Variants in ZNF846 observed in about 807,000 individuals in gnomAD.
The protein encoded by ZNF846 is zinc finger protein 846, also known as zinc finger protein 420 pseudogene.
In ZNF846, 15 loss-of-function variants were observed where a neutral mutation model predicts 16.0. The ratio of observed to expected loss-of-function variants is 0.94; its 90% CI spans 0.63 to 1.45. ZNF846 has a LOEUF of 1.45. Ranked by LOEUF, ZNF846 falls within the 40% of genes most tolerant of loss-of-function variation. The pLI is 0.00. For missense variants in ZNF846, 714 were observed against 622.3 expected (o/e 1.15, Z -1.57); for synonymous variants, 229 against 212.0 (o/e 1.08, Z -0.70).
At chr19:9,750,935 T>C (rs1017611693), downstream of ZNF846, among the ~76,000 whole-genome samples, 3 of 152,130 alleles carry the variant, frequency 2.0e-5, no homozygotes, top group African/African-American at 7.2e-5. Context: ...ATGAAGAGTG[T>C]TTGTTTAACT....
chr19:9,755,799 CAAAAAAAAAAAAAAAAAAAA>C (rs538572391), downstream of ZNF846, among the ~76,000 whole-genome samples: 9 of 24,702 alleles, frequency 3.6e-4, 1 homozygote, highest in East Asian at 0.023. Context: ...GACTCCGTCT[CAAAAAAAAAAAAAAAAAAAA>C]AAAAAAAAAA....
At chr19:9,774,922 G>A in intron 1 of ZNF846, 6 of 1,609,492 alleles carry the variant, frequency 3.7e-6, no homozygotes, top group Non-Finnish European at 5.1e-6. Context: ...ATGCTGAAGA[G>A]TTTACAAAGA....
intron 2 of ZNF846, among the ~76,000 whole-genome samples, chr19:9,763,946 T>C (rs12462187): frequency 0.11 from 16,562 of 152,216 alleles, 1,274 homozygotes; most frequent in African/African-American, 0.21. Flanking sequence ...CAAAATTGCA[T>C]GCAGGATTGT....
chr19:9,786,126 G>GA (rs1823073855), upstream of ZNF846: 1 of 151,936 alleles, frequency 6.6e-6, no homozygotes, highest in South Asian at 2.1e-4. Flanking sequence ...CAACTCTGGG[G>GA]AGAAGTCTTA....
In ZNF846 at chr19:9,765,054, G is replaced by T; in HGVS notation, c.-85-19C>A. On this transcript the variant is annotated intron_variant, in intron 1 of 5. Coordinates refer to ENST00000397902, the Ensembl canonical transcript of ZNF846. ...AAATGACCTTTGGAAAAGAATAATGGCATGTCAGTTGGATACATCAAAGAA... is the reference window on the plus strand; with the variant it reads ...AAATGACCTTTGGAAAAGAATAATGTCATGTCAGTTGGATACATCAAAGAA... The T allele has an allele frequency of 7.9e-7, 1 of 1,273,728 alleles. No individual in the cohort carries two copies. The highest frequency in any genetic ancestry group is 1.1e-6 in the Non-Finnish European group (1 of 872,480). The allele number at this position is 1,273,728 out of a possible 1,614,324, so 78.9% of individuals were successfully genotyped here. A position where few individuals can be genotyped will look rare whatever the true frequency, so the allele number is the denominator to read the frequency against.
chr19:9,764,503 T>C (rs1457216625), intron 2 of ZNF846, among the ~76,000 whole-genome samples: 2 of 152,200 alleles, frequency 1.3e-5, no homozygotes, highest in African/African-American at 4.8e-5. Context: ...TTCATCCCCA[T>C]GTGACCATCT....
downstream of ZNF846, chr19:9,757,420 C>T: frequency 7.1e-7 from 1 of 1,406,022 alleles, no homozygotes; most frequent in Non-Finnish European, 9.6e-7. Flanking sequence ...CTTTACCTTC[C>T]TATGATTTTT....
At chr19:9,766,898 CAAA>C (rs939656218) in intron 1 of ZNF846, among the ~76,000 whole-genome samples, 4 of 92,738 alleles carry the variant, frequency 4.3e-5, no homozygotes, top group Non-Finnish European at 2.4e-5. Flanking sequence ...GACTCTGTCT[CAAA>C]AAAAAAAAAA....
At chr19:9,751,753 C>T (rs1303660260), downstream of ZNF846, among the ~76,000 whole-genome samples, 1 of 152,176 alleles carries the variant, frequency 6.6e-6, no homozygotes, top group African/African-American at 2.4e-5. Context: ...GTAACATCCT[C>T]CCCACTCTTG....
At chr19:9,751,720 C>A (rs1248007794), downstream of ZNF846, among the ~76,000 whole-genome samples, 1 of 152,156 alleles carries the variant, frequency 6.6e-6, no homozygotes, top group Non-Finnish European at 1.5e-5. Context: ...AAGACATCCT[C>A]CCCGCCCTTG....
At chr19:9,769,908 G>A (rs978087739), upstream of ZNF846, among the ~76,000 whole-genome samples, 1 of 151,176 alleles carries the variant, frequency 6.6e-6, no homozygotes. Context: ...TTGAACCTAG[G>A]AGACTGAGGT....
downstream of ZNF846, chr19:9,752,497 C>G (rs913270902): frequency 5.9e-6 from 2 of 341,518 alleles, no homozygotes; most frequent in African/African-American, 2.2e-5. Flanking sequence ...TGCCTGTGAT[C>G]CCAGCTACTC....
intron 4 of ZNF846, among the ~76,000 whole-genome samples, chr19:9,760,289 C>CT (rs1193209003): frequency 7.5e-6 from 1 of 133,312 alleles, no homozygotes; most frequent in Admixed American, 8.0e-5. Flanking sequence ...AAGACTTCGT[C>CT]TCAAAAAAAA....
At chr19:9,773,278 C>T (rs2045404233), upstream of ZNF846, among the ~76,000 whole-genome samples, 1 of 152,122 alleles carries the variant, frequency 6.6e-6, no homozygotes, top group Non-Finnish European at 1.5e-5. Flanking sequence ...CCTCCTTCCT[C>T]AGCCTCCTGA....
intron 1 of ZNF846, chr19:9,775,075 T>G: frequency 1.1e-6 from 1 of 876,634 alleles, no homozygotes; most frequent in Non-Finnish European, 1.8e-6. Context: ...TGACATTCAC[T>G]TGTGGCAGTT....
At chr19:9,763,036 T>A (rs1487403047) in intron 3 of ZNF846, among the ~76,000 whole-genome samples, 1 of 151,498 alleles carries the variant, frequency 6.6e-6, no homozygotes, top group Admixed American at 6.6e-5. Context: ...CCCAGCTACC[T>A]GGGAGGCTGA....
intron 1 of ZNF846, among the ~76,000 whole-genome samples, chr19:9,780,048 G>GTTTTTTTTTTT (rs558280116): frequency 4.0e-5 from 5 of 124,306 alleles, no homozygotes; most frequent in Non-Finnish European, 4.9e-5. Context: ...AGCTAATTTT[G>GTTTTTTTTTTT]TTTTTTTTTT....
At chr19:9,750,363 C>A (rs2045074290), downstream of ZNF846, among the ~76,000 whole-genome samples, 1 of 152,144 alleles carries the variant, frequency 6.6e-6, no homozygotes, top group Non-Finnish European at 1.5e-5. Context: ...GAGAACTGAA[C>A]CTTCCCTCTA....
At chr19:9,752,341 C>T (rs1444755269) in exon 6 of ZNF846, 1 of 218,162 alleles carries the variant, frequency 4.6e-6, no homozygotes, top group Non-Finnish European at 1.0e-5. Flanking sequence ...GGTGTGGTGG[C>T]TCACGTCCAT....
Sources: allele counts gnomAD v4.1 joint callset (sites outside exome capture counted in the v4.1 genomes callset), GRCh38; gene constraint gnomAD v4.1.1; transcripts MANE v1.5; gene names NCBI Gene and HGNC (gene_info 2026-07-23, HGNC 2026-07-21).